Variants in SLC25A31 observed in about 807,000 individuals in gnomAD.
SLC25A31 encodes the protein ADP/ATP translocase 4.
Under a neutral mutation model 36.2 loss-of-function variants are expected in SLC25A31, and 40 were observed. The ratio of observed to expected loss-of-function variants is 1.10; its 90% CI spans 0.86 to 1.44. The LOEUF (loss-of-function observed/expected upper bound fraction) is 1.44. Ranked by LOEUF, SLC25A31 falls within the 40% of genes most tolerant of loss-of-function variation. The pLI, the probability that SLC25A31 is intolerant of heterozygous loss-of-function variation, is 0.00. For missense variants in SLC25A31, 350 were observed against 397.1 expected, an observed-to-expected ratio of 0.88 and a Z score of 1.01; for synonymous variants, 143 against 149.7, an observed-to-expected ratio of 0.96 and a Z score of 0.32.
At chr4:127,755,504 C>T (rs1309850599) in intron 2 of SLC25A31, among the ~76,000 whole-genome samples, 4 of 152,050 alleles carry the variant, frequency 2.6e-5, no homozygotes, top group Non-Finnish European at 5.9e-5. Context: ...ACTTCTCAAA[C>T]GAAGACATAC....
At chr4:127,764,549 G>GA (rs1732203866) in intron 3 of SLC25A31, among the ~76,000 whole-genome samples, 189 bp downstream of exon 3, 1 of 152,134 alleles carries the variant, frequency 6.6e-6, no homozygotes, top group African/African-American at 2.4e-5. Context: ...GGGAAGGAGG[G>GA]AAAGCCTGTT....
At chr4:127,735,848 A>G (rs1234249675) in intron 1 of SLC25A31, among the ~76,000 whole-genome samples, 1 of 149,266 alleles carries the variant, frequency 6.7e-6, no homozygotes, top group Non-Finnish European at 1.5e-5. Flanking sequence ...GTATATCCAA[A>G]CATGCCTAAC....
intron 1 of SLC25A31, among the ~76,000 whole-genome samples, chr4:127,738,250 C>G (rs1731669539): frequency 6.6e-6 from 1 of 151,994 alleles, no homozygotes; most frequent in Non-Finnish European, 1.5e-5. Context: ...ACCACCACAC[C>G]CAGCTAATTT....
In SLC25A31 at chr4:127,763,323, G is replaced by A. The variant is rs1481096385; in HGVS notation, c.361-920G>A. 2.0e-5 allele frequency among the ~76,000 whole-genome samples: 3 copies of A among 152,204 alleles called. No homozygotes were observed. The East Asian group carries it at 5.8e-4, about 29-fold the overall frequency. ...AAAAAGGAAGAGCATTCCAGGGCTAGAGAACATTGAGAATTGCAAAGCTGT... is the reference window on the plus strand; with the variant it reads ...AAAAAGGAAGAGCATTCCAGGGCTAAAGAACATTGAGAATTGCAAAGCTGT... On this transcript the variant is annotated intron_variant, in intron 2 of 5. Coordinates refer to ENST00000281154, the MANE Select transcript of SLC25A31 (RefSeq NM_031291.4).
intron 2 of SLC25A31, among the ~76,000 whole-genome samples, chr4:127,745,330 A>T (rs912982917): frequency 4.0e-5 from 6 of 151,344 alleles, no homozygotes; most frequent in Admixed American, 1.3e-4. Context: ...CGAAGTAATT[A>T]CTCCCTTGGT....
intron 2 of SLC25A31, among the ~76,000 whole-genome samples, chr4:127,752,026 C>G (rs1437501817): frequency 6.6e-6 from 1 of 152,184 alleles, no homozygotes; most frequent in Non-Finnish European, 1.5e-5. Context: ...CCTCAAGGAT[C>G]TAGAACTAGA....
chr4:127,764,130 A>G, intron 2 of SLC25A31, 113 bp from the exon 3 acceptor site: 2 of 828,666 alleles, frequency 2.4e-6, no homozygotes, highest in Non-Finnish European at 3.8e-6. Flanking sequence ...TTACTTTATA[A>G]AAGTGGCTTA....
chr4:127,753,286 A>G (rs1044835494), intron 2 of SLC25A31, among the ~76,000 whole-genome samples: 1 of 152,082 alleles, frequency 6.6e-6, no homozygotes, highest in African/African-American at 2.4e-5. Context: ...TAGAAAAAGA[A>G]GGATAAACTA....
intron 2 of SLC25A31, among the ~76,000 whole-genome samples, chr4:127,759,212 G>GTTT (rs769362194): frequency 2.9e-5 from 4 of 136,652 alleles, no homozygotes; most frequent in Non-Finnish European, 4.8e-5. Flanking sequence ...TATTCCTATG[G>GTTT]TTTTTTTTTT....
chr4:127,752,701 G>C lies in SLC25A31; in HGVS notation c.360+7902G>C, dbSNP rs548097170. Among the ~76,000 whole-genome samples the C allele has an allele frequency of 6.8e-4, 103 of 152,278 alleles. 1 individual carries two copies. In the South Asian group the frequency reaches 0.02, roughly 30 times the overall value. The stretch of plus-strand genomic sequence containing the variant: ...TCATTACATAATGATAAAGGGGTCA[G>C]TTCATCAAGAGGATATAACAATTGT... On this transcript the variant is annotated intron_variant, in intron 2 of 5. Transcript: ENST00000281154.
chr4:127,740,402 G>A (rs1303853954), intron 1 of SLC25A31, among the ~76,000 whole-genome samples: 11 of 152,098 alleles, frequency 7.2e-5, no homozygotes, highest in Admixed American at 7.2e-4. Flanking sequence ...TGCTTCTATA[G>A]CCCTATGCAT....
chr4:127,763,452 G>C (rs11933454), intron 2 of SLC25A31, among the ~76,000 whole-genome samples: 1 of 152,106 alleles, frequency 6.6e-6, no homozygotes, highest in Non-Finnish European at 1.5e-5. Context: ...CAGTGGCCTC[G>C]TATCCTGGAT....
intron 1 of SLC25A31, among the ~76,000 whole-genome samples, chr4:127,733,166 A>G (rs1212060201): frequency 6.6e-6 from 1 of 152,114 alleles, no homozygotes; most frequent in African/African-American, 2.4e-5. Context: ...AAGTAGAAAA[A>G]AGATCGTACT....
intron 2 of SLC25A31, among the ~76,000 whole-genome samples, chr4:127,752,246 A>C: frequency 6.6e-6 from 1 of 152,200 alleles, no homozygotes. Flanking sequence ...GCCATAAAAA[A>C]TGATGAGTTC....
chr4:127,766,152 G>GTT (rs200817660), intron 3 of SLC25A31, among the ~76,000 whole-genome samples: 42 of 38,652 alleles, frequency 1.1e-3, no homozygotes, highest in African/African-American at 2.9e-3. Flanking sequence ...TTTTTTATTT[G>GTT]TTTTTTTTTT....
At chr4:127,739,022 C>G (rs1016491543) in intron 1 of SLC25A31, among the ~76,000 whole-genome samples, 1 of 152,146 alleles carries the variant, frequency 6.6e-6, no homozygotes, top group Non-Finnish European at 1.5e-5. Context: ...CTCTTAAAGA[C>G]AGCAGACAGA....
chr4:127,770,740 G>A (rs552304787), intron 5 of SLC25A31, among the ~76,000 whole-genome samples: 2 of 152,066 alleles, frequency 1.3e-5, no homozygotes, highest in Admixed American at 6.5e-5. Flanking sequence ...AGTCTTATAT[G>A]TGTGTGTGTA....
At chr4:127,760,483 G>C (rs1163684288) in intron 2 of SLC25A31, among the ~76,000 whole-genome samples, 2 of 152,092 alleles carry the variant, frequency 1.3e-5, no homozygotes, top group East Asian at 3.9e-4. Context: ...GCTGGGCCTG[G>C]GCATAAACTG....
At chr4:127,763,028 GTC>G (rs1732172661) in intron 2 of SLC25A31, among the ~76,000 whole-genome samples, 1 of 151,986 alleles carries the variant, frequency 6.6e-6, no homozygotes, top group Non-Finnish European at 1.5e-5. Context: ...AAAAATAAGA[GTC>G]TGTGCAGTGA....
Sources: gnomAD v4.1 joint callset for allele counts (sites outside exome capture counted in the v4.1 genomes callset) on GRCh38, gnomAD v4.1.1 for gene constraint, MANE v1.5 for transcripts, NCBI Gene and HGNC (gene_info 2026-07-23, HGNC 2026-07-21) for gene names.